The following ABTB3 variants were observed in gnomAD, a reference collection of about 807,000 sequenced individuals.
ABTB3 encodes ankyrin repeat and BTB domain containing 3.
chr12:107,458,136 G>T, the ABTB3 span, among the ~76,000 whole-genome samples: 1 of 152,126 alleles, frequency 6.6e-6, no homozygotes, highest in African/African-American at 2.4e-5. Context: ...ACTATGTCAA[G>T]CCCTGTCTAA....
At chr12:107,531,388 T>C in the ABTB3 span, among the ~76,000 whole-genome samples, 2 of 152,222 alleles carry the variant, frequency 1.3e-5, no homozygotes, top group Non-Finnish European at 2.9e-5. Context: ...CAGCGTCCGA[T>C]ACAGCTTTTA....
the ABTB3 span, among the ~76,000 whole-genome samples, chr12:107,504,400 C>G: frequency 1.3e-5 from 2 of 152,140 alleles, no homozygotes; most frequent in Non-Finnish European, 2.9e-5. Context: ...CACACACACC[C>G]CTCTCTGTCA....
chr12:107,372,791 C>T, the ABTB3 span, among the ~76,000 whole-genome samples: 1 of 152,298 alleles, frequency 6.6e-6, no homozygotes, highest in East Asian at 1.9e-4. Flanking sequence ...TTTTTTGTAG[C>T]ACTTTAACCA....
chr12:107,344,185 C>G, the ABTB3 span, among the ~76,000 whole-genome samples: 2 of 152,162 alleles, frequency 1.3e-5, no homozygotes, highest in African/African-American at 4.8e-5. Flanking sequence ...AGGGTACCTA[C>G]CAGTGGAGTC....
chr12:107,483,462 C>G, the ABTB3 span, among the ~76,000 whole-genome samples: 1 of 152,190 alleles, frequency 6.6e-6, no homozygotes, highest in Non-Finnish European at 1.5e-5. Context: ...CTTAGACCCT[C>G]TGACATTGCA....
chr12:107,319,235 T>G, the ABTB3 span: 1 of 1,569,816 alleles, frequency 6.4e-7, no homozygotes, highest in Non-Finnish European at 8.6e-7. Context: ...CGAGGTCCCC[T>G]GGACTCTCCA....
chr12:107,581,054 TG>T, the ABTB3 span: 3 of 1,543,980 alleles, frequency 1.9e-6, no homozygotes, highest in Non-Finnish European at 2.6e-6. Context: ...AGTCGGGAGA[TG>T]GGGGGATCCC....
the ABTB3 span, chr12:107,617,230 TG>T: frequency 6.2e-7 from 1 of 1,613,696 alleles, no homozygotes; most frequent in East Asian, 2.2e-5. Flanking sequence ...CAGTGCACCC[TG>T]GCCCTTGAAG....
the ABTB3 span, among the ~76,000 whole-genome samples, chr12:107,344,777 T>G: frequency 6.6e-6 from 1 of 152,226 alleles, no homozygotes; most frequent in Non-Finnish European, 1.5e-5. Context: ...TGCATGATAA[T>G]AAACATAATC....
the ABTB3 span, chr12:107,649,056 C>T: frequency 1.5e-6 from 1 of 653,464 alleles, no homozygotes; most frequent in Non-Finnish European, 2.7e-6. Flanking sequence ...AGGTAGTGAG[C>T]TCTTGGTCAC....
the ABTB3 span, among the ~76,000 whole-genome samples, chr12:107,375,917 C>G: frequency 3.9e-5 from 6 of 152,208 alleles, no homozygotes; most frequent in Non-Finnish European, 7.4e-5. Flanking sequence ...AGGCTGTGTA[C>G]CATCCTGCCT....
the ABTB3 span, among the ~76,000 whole-genome samples, chr12:107,347,768 C>T: frequency 1.3e-5 from 2 of 152,128 alleles, no homozygotes; most frequent in East Asian, 3.8e-4. Flanking sequence ...AATCCCACCC[C>T]TTGATGGGAG....
chr12:107,576,136 A>G, the ABTB3 span, among the ~76,000 whole-genome samples: 14 of 152,298 alleles, frequency 9.2e-5, no homozygotes, highest in South Asian at 2.5e-3. Context: ...TCAGCTTTCT[A>G]AAGAGTTTGA....
the ABTB3 span, among the ~76,000 whole-genome samples, chr12:107,498,328 C>T: frequency 1.3e-5 from 2 of 152,166 alleles, no homozygotes; most frequent in African/African-American, 2.4e-5. Context: ...GGAAGATAAG[C>T]GATGCTCATT....
the ABTB3 span, among the ~76,000 whole-genome samples, chr12:107,412,925 C>T: frequency 2.0e-5 from 3 of 152,232 alleles, no homozygotes; most frequent in East Asian, 5.8e-4. Context: ...CCAGATGCAG[C>T]GTGTCCGGGG....
chr12:107,419,513 A>G, the ABTB3 span, among the ~76,000 whole-genome samples: 1 of 151,368 alleles, frequency 6.6e-6, no homozygotes, highest in Non-Finnish European at 1.5e-5. Context: ...TGACCACTTC[A>G]CTCTCCTCAT....
At chr12:107,574,451 G>A in the ABTB3 span, among the ~76,000 whole-genome samples, 6 of 152,158 alleles carry the variant, frequency 3.9e-5, no homozygotes, top group South Asian at 2.1e-4. Context: ...AGCTGGGTGC[G>A]GTGGCTCATT....
the ABTB3 span, among the ~76,000 whole-genome samples, chr12:107,377,530 C>T: frequency 6.6e-6 from 1 of 151,978 alleles, no homozygotes; most frequent in African/African-American, 2.4e-5. Context: ...GGGACATCTC[C>T]CCTGGATCCC....
At chr12:107,484,408 G>T in the ABTB3 span, among the ~76,000 whole-genome samples, 1 of 152,200 alleles carries the variant, frequency 6.6e-6, no homozygotes, top group African/African-American at 2.4e-5. Context: ...GTTAAAGTAG[G>T]AGTTCAAAGA....
Sources: gnomAD v4.1 joint callset for allele counts (sites outside exome capture counted in the v4.1 genomes callset) on GRCh38, gnomAD v4.1.1 for gene constraint, MANE v1.5 for transcripts, NCBI Gene and HGNC (gene_info 2026-07-23, HGNC 2026-07-21) for gene names.